NOL4: variants seen among roughly 807,000 people sequenced by gnomAD.
NOL4 encodes the protein nucleolar protein 4, also known as cancer/testis antigen 125.
A neutral mutation model predicts 75.9 loss-of-function variants in NOL4; 17 were observed. That is an observed-to-expected ratio of 0.22 (90% CI 0.15 to 0.34). NOL4 has a LOEUF of 0.34. Ranked by LOEUF, NOL4 falls within the 10% of genes least tolerant of loss-of-function variation. The pLI is 1.00. For missense variants in NOL4, 614 were observed against 793.5 expected (o/e 0.77, Z 2.72); for synonymous variants, 292 against 289.9 (o/e 1.01, Z -0.07).
At chr18:33,985,247 C>T (rs979971705) in intron 6 of NOL4, among the ~76,000 whole-genome samples, 4 of 152,192 alleles carry the variant, frequency 2.6e-5, no homozygotes, top group East Asian at 1.9e-4. Flanking sequence ...AAATCTCACA[C>T]GAGGTTATTT....
intron 5 of NOL4, among the ~76,000 whole-genome samples, chr18:34,052,883 G>A (rs2076682424): frequency 6.6e-6 from 1 of 151,990 alleles, no homozygotes; most frequent in Non-Finnish European, 1.5e-5. Context: ...TGTTCCCAAT[G>A]AGAATAACCA....
At chr18:34,055,186 AATT>A (rs1402455623) in intron 5 of NOL4, among the ~76,000 whole-genome samples, 1 of 151,860 alleles carries the variant, frequency 6.6e-6, no homozygotes, top group African/African-American at 2.4e-5. Flanking sequence ...TGTGCACCAA[AATT>A]ATAATAATAC....
chr18:33,984,049 A>C (rs1008619641), intron 6 of NOL4, among the ~76,000 whole-genome samples: 14 of 152,274 alleles, frequency 9.2e-5, no homozygotes, highest in African/African-American at 3.1e-4. Flanking sequence ...CTGTGAAAAA[A>C]TATTTTCCAG....
intron 6 of NOL4, among the ~76,000 whole-genome samples, chr18:33,961,791 G>A (rs578002382): frequency 8.5e-5 from 13 of 152,086 alleles, no homozygotes; most frequent in African/African-American, 2.9e-4. Flanking sequence ...GAGGATCATG[G>A]GAGTTAGCAA....
At chr18:33,875,001 G>C (rs2063866643) in intron 10 of NOL4, among the ~76,000 whole-genome samples, 1 of 151,954 alleles carries the variant, frequency 6.6e-6, no homozygotes, top group African/African-American at 2.4e-5. Context: ...TAGTGATTAT[G>C]GTCATTATTA....
At chr18:34,196,886 G>A (rs894543345) in intron 1 of NOL4, among the ~76,000 whole-genome samples, 13 of 151,920 alleles carry the variant, frequency 8.6e-5, no homozygotes, top group Admixed American at 5.9e-4. Context: ...AACAGTCTTC[G>A]AGAAGGCTTG....
At chr18:33,918,438 G>A (rs989363433) in intron 9 of NOL4, among the ~76,000 whole-genome samples, 2 of 152,058 alleles carry the variant, frequency 1.3e-5, no homozygotes, top group Non-Finnish European at 1.5e-5. Context: ...TGATATATAT[G>A]TTATTTATAA....
At chr18:33,989,101 T>C (rs1468671332) in intron 6 of NOL4, among the ~76,000 whole-genome samples, 1 of 135,702 alleles carries the variant, frequency 7.4e-6, no homozygotes, top group African/African-American at 2.8e-5. Flanking sequence ...GTGGGGAGGA[T>C]CAACTGAGCC....
At chr18:34,136,729 G>A (rs2080908741) in intron 1 of NOL4, among the ~76,000 whole-genome samples, 1 of 151,986 alleles carries the variant, frequency 6.6e-6, no homozygotes, top group Non-Finnish European at 1.5e-5. Context: ...TTATAGACTA[G>A]AAGACAATAT....
intron 6 of NOL4, among the ~76,000 whole-genome samples, chr18:33,974,465 G>A (rs1195112115): frequency 6.6e-6 from 1 of 152,192 alleles, no homozygotes; most frequent in East Asian, 1.9e-4. Context: ...GGCTCAAGGA[G>A]AGGGAGAGAG....
intron 5 of NOL4, among the ~76,000 whole-genome samples, chr18:34,042,005 G>A (rs1173261161): frequency 6.6e-6 from 1 of 151,880 alleles, no homozygotes; most frequent in Non-Finnish European, 1.5e-5. Context: ...CAAAAATATA[G>A]GTTCAGGCAG....
At chr18:34,041,812 T>G (rs2076153551) in intron 5 of NOL4, among the ~76,000 whole-genome samples, 1 of 151,992 alleles carries the variant, frequency 6.6e-6, no homozygotes, top group South Asian at 2.1e-4. Context: ...TTGGGTTTGT[T>G]CTACAAGTCA....
intron 1 of NOL4, among the ~76,000 whole-genome samples, chr18:34,213,231 G>C (rs969749843): frequency 5.3e-5 from 8 of 152,200 alleles, no homozygotes; most frequent in Non-Finnish European, 8.8e-5. Flanking sequence ...ACAGTGTTGA[G>C]AAGTGGAACC....
At chr18:33,917,854 G>C (rs1226703253) in intron 9 of NOL4, among the ~76,000 whole-genome samples, 1 of 152,028 alleles carries the variant, frequency 6.6e-6, no homozygotes, top group Admixed American at 6.5e-5. Flanking sequence ...ACACCTTTTG[G>C]GGATTGCTAA....
chr18:33,963,909 G>C (rs925794775), intron 6 of NOL4, among the ~76,000 whole-genome samples: 2 of 152,164 alleles, frequency 1.3e-5, no homozygotes, highest in Non-Finnish European at 2.9e-5. Context: ...CTTGGTGTTA[G>C]ACACAGCTGC....
intron 5 of NOL4, 97 bp from the exon 6 acceptor site, chr18:34,019,698 A>T (rs777635916): frequency 2.1e-5 from 22 of 1,029,256 alleles, no homozygotes; most frequent in Non-Finnish European, 3.0e-5. Context: ...TATGAATGGC[A>T]TTTTACATAC....
At chr18:34,018,621 C>A (rs1267415998) in intron 6 of NOL4, among the ~76,000 whole-genome samples, 1 of 151,878 alleles carries the variant, frequency 6.6e-6, no homozygotes, top group Non-Finnish European at 1.5e-5. Context: ...AGCAAAGTCA[C>A]CAGCATGTGT....
intron 9 of NOL4, among the ~76,000 whole-genome samples, chr18:33,933,802 G>T (rs1473620031): frequency 1.3e-5 from 2 of 151,878 alleles, no homozygotes; most frequent in Non-Finnish European, 2.9e-5. Flanking sequence ...CACCCACGAG[G>T]GTCGGAATCA....
At chr18:34,071,438 G>GACACACACACACACACACACACAC (rs61428886) in intron 5 of NOL4, among the ~76,000 whole-genome samples, 12 of 147,694 alleles carry the variant, frequency 8.1e-5, no homozygotes, top group African/African-American at 3.0e-4. Context: ...CAGACAGACA[G>GACACACACACACACACACACACAC]ACACACACAC....
Sources: gnomAD v4.1 joint callset for allele counts (sites outside exome capture counted in the v4.1 genomes callset) on GRCh38, gnomAD v4.1.1 for gene constraint, MANE v1.5 for transcripts, NCBI Gene and HGNC (gene_info 2026-07-23, HGNC 2026-07-21) for gene names.